ATP10A: variants seen among roughly 807,000 people sequenced by gnomAD.
The protein encoded by ATP10A is phospholipid-transporting ATPase VA.
A neutral mutation model predicts 147.8 loss-of-function variants in ATP10A; 111 were observed. The ratio of observed to expected loss-of-function variants is 0.75; its 90% confidence interval spans 0.64 to 0.88. The LOEUF (loss-of-function observed/expected upper bound fraction) is 0.88, where lower values mean the gene tolerates loss of function less well. Ranked by LOEUF, ATP10A falls within the 40% of genes least tolerant of loss-of-function variation. The probability of loss-of-function intolerance (pLI) is 0.00; values close to 1 mark genes in which losing one functional copy is unlikely to be tolerated. For missense variants in ATP10A, 1,927 were observed against 1,959.0 expected (o/e 0.98, Z 0.31); for synonymous variants, 875 against 841.6 (o/e 1.04, Z -0.69).
chr15:25,802,099 T>G (rs762272306), intron 1 of ATP10A, among the ~76,000 whole-genome samples: 8 of 151,872 alleles, frequency 5.3e-5, no homozygotes, highest in Non-Finnish European at 1.2e-4. Flanking sequence ...CTGTGTTGAC[T>G]CGGTAAAATG....
intron 7 of ATP10A, among the ~76,000 whole-genome samples, chr15:25,720,327 T>G (rs546345075): frequency 1.3e-5 from 2 of 152,290 alleles, no homozygotes; most frequent in East Asian, 3.9e-4. Flanking sequence ...ACAGTTAAAA[T>G]TTACTCTCTG....
At chr15:25,749,060 C>CAAAAAAAAAAAA (rs1171259548) in intron 2 of ATP10A, among the ~76,000 whole-genome samples, 3 of 67,482 alleles carry the variant, frequency 4.4e-5, no homozygotes, top group East Asian at 4.7e-4. Context: ...GAGACTCTGT[C>CAAAAAAAAAAAA]AAAAAAAAAA....
At chr15:25,680,628 G>A (rs1214026982) in intron 19 of ATP10A, among the ~76,000 whole-genome samples, 182 bp downstream of exon 19, 1 of 152,172 alleles carries the variant, frequency 6.6e-6, no homozygotes, top group Non-Finnish European at 1.5e-5. Flanking sequence ...GCATCAGGCT[G>A]CAGCGGCTCC....
intron 1 of ATP10A, among the ~76,000 whole-genome samples, chr15:25,789,063 A>G (rs1890295249): frequency 6.6e-6 from 1 of 152,080 alleles, no homozygotes; most frequent in Admixed American, 6.5e-5. Flanking sequence ...GGCTGAAGGG[A>G]TCCTCCCTCC....
At chr15:25,748,014 G>A (rs565232127) in intron 2 of ATP10A, among the ~76,000 whole-genome samples, 3 of 152,164 alleles carry the variant, frequency 2.0e-5, no homozygotes, top group African/African-American at 7.2e-5. Flanking sequence ...GCCGAGGCTG[G>A]AGTACAGTGG....
At chr15:25,708,811 T>C (rs1901212137) in intron 10 of ATP10A, 1 of 156,988 alleles carries the variant, frequency 6.4e-6, no homozygotes, top group African/African-American at 2.4e-5. Flanking sequence ...ACAAGTAGCA[T>C]TGCCAGATAC....
At chr15:25,860,728 C>T (rs60642446) in intron 1 of ATP10A, among the ~76,000 whole-genome samples, 11,527 of 152,148 alleles carry the variant, frequency 0.076, 975 homozygotes, top group African/African-American at 0.2. Flanking sequence ...TCCCATGAAG[C>T]CTTACAAGGT....
At chr15:25,837,131 G>A (rs556817151) in intron 1 of ATP10A, among the ~76,000 whole-genome samples, 51 of 151,620 alleles carry the variant, frequency 3.4e-4, no homozygotes, top group African/African-American at 6.8e-4. Flanking sequence ...GCCAATTTCC[G>A]GTATATAATA....
intron 14 of ATP10A, among the ~76,000 whole-genome samples, chr15:25,694,468 G>A (rs1900202888): frequency 6.6e-6 from 1 of 152,174 alleles, no homozygotes; most frequent in Admixed American, 6.5e-5. Flanking sequence ...AGTTGGCCTG[G>A]GCTAAGGCTG....
At chr15:25,831,137 T>C (rs996984985) in intron 1 of ATP10A, among the ~76,000 whole-genome samples, 1 of 152,198 alleles carries the variant, frequency 6.6e-6, no homozygotes, top group Non-Finnish European at 1.5e-5. Context: ...ACCCCGTGCA[T>C]ACCCAGCACC....
chr15:25,741,249 C>T (rs892634451), intron 2 of ATP10A, among the ~76,000 whole-genome samples: 4 of 152,134 alleles, frequency 2.6e-5, no homozygotes, highest in African/African-American at 7.2e-5. Context: ...CAGAGGGTGA[C>T]GAATGCTTAT....
At chr15:25,708,382 G>C in intron 10 of ATP10A, 82 bp from the exon 11 acceptor site, 1 of 1,240,204 alleles carries the variant, frequency 8.1e-7, no homozygotes, top group Non-Finnish European at 1.2e-6. Flanking sequence ...TTTACCCCAC[G>C]TCTGTTCGTT....
At chr15:25,825,620 C>T (rs1892081737) in intron 1 of ATP10A, among the ~76,000 whole-genome samples, 1 of 152,302 alleles carries the variant, frequency 6.6e-6, no homozygotes, top group East Asian at 1.9e-4. Context: ...CAAGCACAGT[C>T]TTCAGTGGCT....
At chr15:25,769,891 G>A (rs1347792730) in intron 2 of ATP10A, among the ~76,000 whole-genome samples, 1 of 152,138 alleles carries the variant, frequency 6.6e-6, no homozygotes, top group Non-Finnish European at 1.5e-5. Context: ...GGTTAAATGA[G>A]GTGACTGAGA....
intron 1 of ATP10A, among the ~76,000 whole-genome samples, chr15:25,848,525 G>C (rs191348404): frequency 1.3e-5 from 2 of 152,166 alleles, no homozygotes; most frequent in East Asian, 2.0e-4. Flanking sequence ...CGATGGTTTC[G>C]GCAGGGCGGC....
At chr15:25,726,260 T>A (rs1902540816) in intron 4 of ATP10A, among the ~76,000 whole-genome samples, 178 bp from the exon 5 acceptor site, 1 of 152,022 alleles carries the variant, frequency 6.6e-6, no homozygotes, top group African/African-American at 2.4e-5. Flanking sequence ...TGAAAATAAA[T>A]AAAATAAAAT....
intron 18 of ATP10A, 36 bp from the exon 19 acceptor site, chr15:25,680,950 CG>C (rs749617960): frequency 6.2e-7 from 1 of 1,613,438 alleles, no homozygotes; most frequent in African/African-American, 1.3e-5. Flanking sequence ...TGTAGGTCCC[CG>C]GATCCAGCTG....
intron 2 of ATP10A, among the ~76,000 whole-genome samples, chr15:25,750,277 TG>T (rs1888075951): frequency 1.3e-5 from 2 of 152,048 alleles, no homozygotes; most frequent in African/African-American, 4.8e-5. Flanking sequence ...AAGATGACAC[TG>T]GAGCAACATC....
intron 1 of ATP10A, among the ~76,000 whole-genome samples, chr15:25,795,220 G>A (rs1478387364): frequency 2.0e-5 from 3 of 152,132 alleles, no homozygotes; most frequent in Non-Finnish European, 4.4e-5. Context: ...ATCAGCCAGG[G>A]CATCCCCACC....
Sources: allele counts gnomAD v4.1 joint callset (sites outside exome capture counted in the v4.1 genomes callset), GRCh38; gene constraint gnomAD v4.1.1; transcripts MANE v1.5; gene names NCBI Gene and HGNC (gene_info 2026-07-23, HGNC 2026-07-21).